OLFM2: variants seen among roughly 807,000 people sequenced by gnomAD.
OLFM2 encodes the protein noelin-2.
OLFM2 carries 20 observed loss-of-function variants against 43.9 expected under a neutral mutation model. The ratio of observed to expected loss-of-function variants is 0.46; its 90% CI spans 0.32 to 0.66. OLFM2 has a LOEUF of 0.66. OLFM2 is among the 30% of genes least tolerant of loss of function. The pLI, the probability that OLFM2 is intolerant of heterozygous loss-of-function variation, is 0.04. For missense variants in OLFM2, 416 were observed against 643.6 expected (o/e 0.65, Z 3.83); for synonymous variants, 268 against 278.6 (o/e 0.96, Z 0.38).
At chr19:9,882,496 C>G (rs996427019) in intron 1 of OLFM2, among the ~76,000 whole-genome samples, 7 of 151,838 alleles carry the variant, frequency 4.6e-5, no homozygotes, top group African/African-American at 1.7e-4. Context: ...CAAGACCGCA[C>G]CACTGCACTC....
intron 1 of OLFM2, among the ~76,000 whole-genome samples, chr19:9,892,327 G>A (rs2046647131): frequency 6.6e-6 from 1 of 152,190 alleles, no homozygotes; most frequent in Non-Finnish European, 1.5e-5. Context: ...ACACCACAGG[G>A]AGGGACAGCC....
chr19:9,922,910 CAA>C (rs530892316), intron 1 of OLFM2, among the ~76,000 whole-genome samples: 48 of 73,800 alleles, frequency 6.5e-4, no homozygotes, highest in Middle Eastern at 8.2e-3. Context: ...GACCCTGTCT[CAA>C]AAAAAAAAAA....
chr19:9,881,859 C>A (rs763750730), intron 1 of OLFM2, among the ~76,000 whole-genome samples: 1 of 152,030 alleles, frequency 6.6e-6, no homozygotes, highest in Non-Finnish European at 1.5e-5. Flanking sequence ...CCAAAGGCCT[C>A]ATTTTAATTT....
intron 1 of OLFM2, among the ~76,000 whole-genome samples, chr19:9,900,973 AGGAAGGAAGGAAGGAAGGGAGGGAGGG>A (rs1237472467): frequency 6.7e-5 from 3 of 44,706 alleles, no homozygotes; most frequent in African/African-American, 5.2e-4. Context: ...GAAGGAAGGA[AGGAAGGAAGGAAGGAAGGGAGGGAGGG>A]GGGAGGGAGG....
chr19:9,890,302 T>C (rs1202015821), intron 1 of OLFM2, among the ~76,000 whole-genome samples: 3 of 152,010 alleles, frequency 2.0e-5, no homozygotes, highest in Admixed American at 1.3e-4. Flanking sequence ...TCATTACCCC[T>C]GGGACCCCCA....
intron 1 of OLFM2, among the ~76,000 whole-genome samples, chr19:9,935,015 G>T (rs371686649): frequency 8.5e-5 from 13 of 152,146 alleles, no homozygotes; most frequent in African/African-American, 2.9e-4. Context: ...TAACAAGAGG[G>T]TAATCGTGTG....
At chr19:9,888,587 A>AC (rs1407040486) in intron 1 of OLFM2, among the ~76,000 whole-genome samples, 3 of 150,054 alleles carry the variant, frequency 2.0e-5, no homozygotes, top group African/African-American at 7.4e-5. Flanking sequence ...GTGCCCCAGC[A>AC]CCCCCCATCC....
chr19:9,913,205 T>C (rs2046842983), intron 1 of OLFM2, among the ~76,000 whole-genome samples: 1 of 151,996 alleles, frequency 6.6e-6, no homozygotes, highest in Non-Finnish European at 1.5e-5. Context: ...CTATTCGCGC[T>C]CAGACATTGC....
chr19:9,867,251 A>C (rs2046408941), intron 1 of OLFM2, among the ~76,000 whole-genome samples: 1 of 152,198 alleles, frequency 6.6e-6, no homozygotes, highest in East Asian at 1.9e-4. Context: ...GGCACCTGTA[A>C]GCCCAGCTAC....
chr19:9,858,747 C>A (rs915506234), intron 2 of OLFM2, among the ~76,000 whole-genome samples: 1 of 152,208 alleles, frequency 6.6e-6, no homozygotes, highest in South Asian at 2.1e-4. Context: ...CTAAGGTAGA[C>A]TCCCATCTGA....
chr19:9,856,279 G>A lies in OLFM2; in HGVS notation c.687+528C>T, dbSNP rs2046316814. ...ATGTCCGGCTAATTTTGTATTTTTA[G>A]TAGAGACAGGGTTTCTCCATGTTGG... On this transcript the variant is annotated intron_variant, in intron 5 of 5. Transcript: ENST00000264833. The surrounding 1 kb of genome is among the most constrained non-coding windows in gnomAD (Gnocchi z 4.0). 2.0e-5 allele frequency among the ~76,000 whole-genome samples: 3 copies of A among 152,094 alleles called. No individual in the cohort carries two copies. The highest frequency in any genetic ancestry group is 2.0e-4 in the Admixed American group (3 of 15,268).
chr19:9,931,903 G>C (rs574465770), intron 1 of OLFM2, among the ~76,000 whole-genome samples: 2 of 152,058 alleles, frequency 1.3e-5, no homozygotes, highest in East Asian at 3.9e-4. Flanking sequence ...TTCCATCCAG[G>C]AGCGAGTGTT....
chr19:9,924,592 G>A (rs1568388108), intron 1 of OLFM2, among the ~76,000 whole-genome samples: 1 of 151,972 alleles, frequency 6.6e-6, no homozygotes, highest in Non-Finnish European at 1.5e-5. Flanking sequence ...CCCTGTTGAG[G>A]TCTAATAAGG....
intron 1 of OLFM2, among the ~76,000 whole-genome samples, chr19:9,909,527 C>T (rs990343441): frequency 6.6e-6 from 1 of 152,146 alleles, no homozygotes; most frequent in Non-Finnish European, 1.5e-5. Context: ...TTCTGCAATT[C>T]AGGAGGAGGA....
At chr19:9,916,179 A>G (rs1030296573) in intron 1 of OLFM2, among the ~76,000 whole-genome samples, 16 of 152,064 alleles carry the variant, frequency 1.1e-4, no homozygotes, top group Non-Finnish European at 1.9e-4. Context: ...CAACATGGTA[A>G]AACCCTGTCT....
In OLFM2 at chr19:9,854,895, A is replaced by G. The variant is rs752936742; in HGVS notation, c.688-32T>C. On this transcript the variant is annotated intron_variant, in intron 5 of 5. Coordinates refer to ENST00000264833, the MANE Select transcript of OLFM2 (RefSeq NM_058164.4). This position sits in a 1 kb window ranked among gnomAD's most constrained non-coding sequence, Gnocchi z 9.5. ...TAGCAGCCGCTGGTCACTGGGGGGAACCACCACCAACGACCCAAGGGTCCC... is the reference window on the plus strand; with the variant it reads ...TAGCAGCCGCTGGTCACTGGGGGGAGCCACCACCAACGACCCAAGGGTCCC... The G allele has an allele frequency of 9.3e-6, 14 of 1,502,304 alleles. No homozygotes were observed. The highest frequency in any genetic ancestry group is 1.1e-5 in the Non-Finnish European group (12 of 1,115,788). The allele number at this position is 1,502,304 out of a possible 1,614,324, so 93.1% of individuals were successfully genotyped here. A position where few individuals can be genotyped will look rare whatever the true frequency, so the allele number is the denominator to read the frequency against.
intron 1 of OLFM2, among the ~76,000 whole-genome samples, chr19:9,898,714 C>T (rs2046706988): frequency 6.6e-6 from 1 of 152,090 alleles, no homozygotes; most frequent in South Asian, 2.1e-4. Context: ...TCTCTCCAGC[C>T]ACCACGCCAT....
At position 9,857,438 on chromosome 19, in the gene OLFM2, G is replaced by A. The variant is rs1276757596; in HGVS notation, c.405C>T (p.Val135=). 6.2e-7 allele frequency: 1 copy of A among 1,613,938 alleles called. No homozygotes were observed. Among genetic ancestry groups the A allele is most frequent in the African/African-American group, 1.3e-5 (1 of 74,894 alleles). ...RMTELLPLSS[V]LEQYKADTRT... ...GCGTGTCTGCCTTGTACTGCTCCAG[G>A]ACCGAGCTCAGGGGCAACAGTTCCG... The change falls in exon 4 of 6, where the codon GTC becomes GTT. Residue 135 remains valine, a synonymous_variant. Coordinates refer to ENST00000264833, the MANE Select transcript of OLFM2 (RefSeq NM_058164.4). This position sits in a 1 kb window ranked among gnomAD's most constrained non-coding sequence, Gnocchi z 5.7.
At chr19:9,882,906 A>AT (rs1555725695) in intron 1 of OLFM2, among the ~76,000 whole-genome samples, 1 of 146,810 alleles carries the variant, frequency 6.8e-6, no homozygotes, top group South Asian at 2.2e-4. Flanking sequence ...ATTAAAAAAA[A>AT]TAAAAAAAAA....
Sources: allele counts gnomAD v4.1 joint callset (sites outside exome capture counted in the v4.1 genomes callset), GRCh38; gene constraint gnomAD v4.1.1; non-coding constraint Gnocchi (gnomAD v3.1); transcripts MANE v1.5; gene names NCBI Gene and HGNC (gene_info 2026-07-23, HGNC 2026-07-21).